The following PPARGC1A variants were observed in gnomAD, a reference collection of about 807,000 sequenced individuals.
The protein encoded by PPARGC1A is peroxisome proliferator-activated receptor gamma coactivator 1-alpha.
A neutral mutation model predicts 88.7 loss-of-function variants in PPARGC1A; 25 were observed. The observed-to-expected ratio is 0.28, with a 90% confidence interval of 0.21 to 0.39. The LOEUF (loss-of-function observed/expected upper bound fraction) is 0.39. Ranked by LOEUF, PPARGC1A falls within the 10% of genes least tolerant of loss-of-function variation. PPARGC1A has a pLI of 1.00. For missense variants in PPARGC1A, 880 were observed against 968.7 expected, an observed-to-expected ratio of 0.91 and a Z score of 1.22; for synonymous variants, 363 against 355.6, an observed-to-expected ratio of 1.02 and a Z score of -0.24.
At chr4:24,027,719 C>T in the PPARGC1A span, among the ~76,000 whole-genome samples, 1 of 152,080 alleles carries the variant, frequency 6.6e-6, no homozygotes, top group African/African-American at 2.4e-5. Context: ...AGTACCATGT[C>T]CAACATGTCA....
At chr4:23,837,750 T>G (rs1289499882) in intron 2 of PPARGC1A, among the ~76,000 whole-genome samples, 1 of 152,222 alleles carries the variant, frequency 6.6e-6, no homozygotes, top group African/African-American at 2.4e-5. Context: ...TTGGTTCCGC[T>G]AGGCCCCACC....
the PPARGC1A span, among the ~76,000 whole-genome samples, chr4:23,912,785 C>T: frequency 6.6e-6 from 1 of 150,892 alleles, no homozygotes; most frequent in Non-Finnish European, 1.5e-5. Flanking sequence ...ATCACATGAA[C>T]TAATTTCTTT....
chr4:23,917,350 T>C, the PPARGC1A span, among the ~76,000 whole-genome samples: 1 of 151,118 alleles, frequency 6.6e-6, no homozygotes, highest in African/African-American at 2.4e-5. Flanking sequence ...AACCACATCA[T>C]ACTCTTTTCT....
At chr4:24,072,145 T>A in the PPARGC1A span, among the ~76,000 whole-genome samples, 1 of 147,456 alleles carries the variant, frequency 6.8e-6, no homozygotes, top group Non-Finnish European at 1.5e-5. Context: ...ATTTTTTATT[T>A]TATATATATT....
chr4:24,311,042 A>G, the PPARGC1A span, among the ~76,000 whole-genome samples: 1 of 151,304 alleles, frequency 6.6e-6, no homozygotes. Context: ...CTAAAATGAG[A>G]ATATTAAGAT....
chr4:24,022,134 G>A, the PPARGC1A span, among the ~76,000 whole-genome samples: 1 of 152,184 alleles, frequency 6.6e-6, no homozygotes, highest in Non-Finnish European at 1.5e-5. Context: ...GGATGGATGA[G>A]CATGCAGGTG....
At chr4:23,822,429 A>G (rs1272051272) in intron 7 of PPARGC1A, among the ~76,000 whole-genome samples, 1 of 152,080 alleles carries the variant, frequency 6.6e-6, no homozygotes, top group Non-Finnish European at 1.5e-5. Flanking sequence ...ATTCACTAGG[A>G]TGATAGTATT....
At chr4:24,342,116 AG>A in the PPARGC1A span, among the ~76,000 whole-genome samples, 1 of 152,352 alleles carries the variant, frequency 6.6e-6, no homozygotes, top group Admixed American at 6.5e-5. Flanking sequence ...TTTCAAAGGC[AG>A]GGGCTATTTC....
At chr4:24,053,030 ATT>A in the PPARGC1A span, among the ~76,000 whole-genome samples, 1 of 140,864 alleles carries the variant, frequency 7.1e-6, no homozygotes, top group Non-Finnish European at 1.6e-5. Flanking sequence ...CACCCGGCTA[ATT>A]TTTTTTTTTT....
chr4:24,360,464 T>G, the PPARGC1A span, among the ~76,000 whole-genome samples: 1 of 152,112 alleles, frequency 6.6e-6, no homozygotes, highest in South Asian at 2.1e-4. Flanking sequence ...TTCTGCTTAT[T>G]TATCTTTTCA....
chr4:24,063,420 C>T, the PPARGC1A span, among the ~76,000 whole-genome samples: 1 of 152,192 alleles, frequency 6.6e-6, no homozygotes, highest in Non-Finnish European at 1.5e-5. Context: ...AAGGGCTCCA[C>T]ATACTTTTCT....
the PPARGC1A span, among the ~76,000 whole-genome samples, chr4:23,915,465 C>A: frequency 1.4e-3 from 212 of 152,270 alleles, 2 homozygotes; most frequent in African/African-American, 4.8e-3. Flanking sequence ...ATCCTAGTCC[C>A]CAGCCATTTC....
At chr4:24,046,915 C>T in the PPARGC1A span, among the ~76,000 whole-genome samples, 1 of 152,076 alleles carries the variant, frequency 6.6e-6, no homozygotes, top group Non-Finnish European at 1.5e-5. Context: ...GATGGAAGAA[C>T]CTGAGTTCCT....
chr4:24,080,908 G>A, the PPARGC1A span, among the ~76,000 whole-genome samples: 3 of 152,168 alleles, frequency 2.0e-5, no homozygotes, highest in Middle Eastern at 3.4e-3. Context: ...TTTTGAAGGA[G>A]GGCTTTGAGA....
chr4:24,127,357 C>T, the PPARGC1A span, among the ~76,000 whole-genome samples: 3 of 151,902 alleles, frequency 2.0e-5, no homozygotes, highest in East Asian at 1.9e-4. Context: ...AGCCTTTTCA[C>T]GCCATAAGCC....
the PPARGC1A span, among the ~76,000 whole-genome samples, chr4:23,945,431 G>A: frequency 3.3e-5 from 5 of 151,990 alleles, no homozygotes; most frequent in African/African-American, 1.2e-4. Flanking sequence ...GAGAGACAAG[G>A]GAAAAAAACC....
chr4:24,250,526 G>A, the PPARGC1A span, among the ~76,000 whole-genome samples: 2 of 152,128 alleles, frequency 1.3e-5, no homozygotes, highest in Admixed American at 6.5e-5. Context: ...TTTGCAACAG[G>A]CATTTGCATT....
At chr4:23,936,474 C>T in the PPARGC1A span, among the ~76,000 whole-genome samples, 2 of 152,244 alleles carry the variant, frequency 1.3e-5, no homozygotes, top group South Asian at 2.1e-4. Flanking sequence ...CAGTGGCTCA[C>T]GCATGTAATC....
the PPARGC1A span, among the ~76,000 whole-genome samples, chr4:23,918,388 A>C: frequency 5.0e-3 from 764 of 151,768 alleles, 39 homozygotes; most frequent in East Asian, 0.11. Context: ...TGCCCAGCTA[A>C]TTTTTGCATT....
Sources: gnomAD v4.1 joint callset for allele counts (sites outside exome capture counted in the v4.1 genomes callset) on GRCh38, gnomAD v4.1.1 for gene constraint, MANE v1.5 for transcripts, NCBI Gene and HGNC (gene_info 2026-07-23, HGNC 2026-07-21) for gene names.